SMCO2: variants seen among roughly 807,000 people sequenced by gnomAD.
SMCO2 encodes the protein single-pass membrane and coiled-coil domain-containing protein 2.
Under a neutral mutation model 29.5 loss-of-function variants are expected in SMCO2, and 25 were observed. That is an observed-to-expected ratio of 0.85 (90% confidence interval 0.62 to 1.18). The LOEUF is 1.18. SMCO2 is among the 50% of genes most tolerant of loss of function. The probability of loss-of-function intolerance (pLI) is 0.00; values close to 1 mark genes in which losing one functional copy is unlikely to be tolerated. For missense variants in SMCO2, 348 were observed against 344.5 expected, an observed-to-expected ratio of 1.01 and a Z score of -0.08; for synonymous variants, 117 against 123.3, an observed-to-expected ratio of 0.95 and a Z score of 0.34.
the SMCO2 span, among the ~76,000 whole-genome samples, chr12:27,440,713 T>A: frequency 6.6e-6 from 1 of 151,504 alleles, no homozygotes; most frequent in African/African-American, 2.4e-5. Context: ...TAAGTTGTTA[T>A]CTCTTTAAAA....
At chr12:27,456,086 A>G in the SMCO2 span, among the ~76,000 whole-genome samples, 1 of 152,194 alleles carries the variant, frequency 6.6e-6, no homozygotes, top group African/African-American at 2.4e-5. Flanking sequence ...GTGGTGGCCC[A>G]TGCCTGTAAT....
chr12:27,490,653 A>T (rs375777193), intron 5 of SMCO2, among the ~76,000 whole-genome samples: 4 of 152,296 alleles, frequency 2.6e-5, no homozygotes, highest in African/African-American at 9.6e-5. Context: ...TTGTTGGCTG[A>T]ATGTGGTGAC....
the SMCO2 span, among the ~76,000 whole-genome samples, chr12:27,451,005 TA>T: frequency 1.3e-5 from 2 of 152,242 alleles, no homozygotes; most frequent in African/African-American, 4.8e-5. Flanking sequence ...TAGATTTTGA[TA>T]AACTTTACAA....
chr12:27,468,238 C>T (rs1949513901), intron 1 of SMCO2, among the ~76,000 whole-genome samples: 1 of 152,210 alleles, frequency 6.6e-6, no homozygotes, highest in Non-Finnish European at 1.5e-5. Flanking sequence ...TCGTAGCAAA[C>T]ACCCAACATC....
rs1942969244 is a variant in SMCO2 at position 27,494,290 on chromosome 12, G to A, written c.451-10G>A. On this transcript the variant is annotated splice_polypyrimidine_tract_variant and intron_variant, in intron 5 of 7. Coordinates refer to ENST00000298876, the Ensembl canonical transcript of SMCO2. The stretch of plus-strand genomic sequence containing the variant: ...TTTCATTTTACCCAGAATTGTGGAT[G>A]TGTTTTTAGGTGAATACTTGTAATG... 6.8e-7 allele frequency: 1 copy of A among 1,461,124 alleles called. No individual in the cohort carries two copies. Among genetic ancestry groups the A allele is most frequent in the Non-Finnish European group, 9.1e-7 (1 of 1,100,706 alleles). The allele number at this position is 1,461,124 out of a possible 1,614,324, so 90.5% of individuals were successfully genotyped here.
In SMCO2 at chr12:27,470,654, TA is replaced by T; in HGVS notation, c.26del (p.Asn9IlefsTer8). On this transcript the variant is annotated frameshift_variant, in exon 2 of 8. Transcript: ENST00000298876. LOFTEE classifies it high-confidence loss of function. ...GAAATGGCTCTCACGCCCACAAACC[TA>T]AATAACAAAATGTCTCTGCAGATGA... The T allele has an allele frequency of 2.6e-6, 4 of 1,551,098 alleles. No individual in the cohort carries two copies. The highest frequency in any genetic ancestry group is 2.0e-5 in the Admixed American group (1 of 50,988).
At chr12:27,464,437 A>C (rs1351227557), upstream of SMCO2, among the ~76,000 whole-genome samples, 1 of 152,076 alleles carries the variant, frequency 6.6e-6, no homozygotes, top group Non-Finnish European at 1.5e-5. Flanking sequence ...GGCCGGGCGC[A>C]ATGACTCATC....
At chr12:27,448,565 A>C in the SMCO2 span, among the ~76,000 whole-genome samples, 1 of 152,222 alleles carries the variant, frequency 6.6e-6, no homozygotes, top group East Asian at 1.9e-4. Flanking sequence ...AACTGGGGCC[A>C]GCAGACCCTT....
the SMCO2 span, among the ~76,000 whole-genome samples, chr12:27,435,292 CCCCCCCCCCCG>C: frequency 1.9e-3 from 42 of 21,888 alleles, 15 homozygotes; most frequent in African/African-American, 4.1e-3. Context: ...ACCCCCCCCC[CCCCCCCCCCCG>C]GCAATTGTGA....
At chr12:27,491,429 T>C (rs1021945216) in intron 5 of SMCO2, among the ~76,000 whole-genome samples, 4 of 152,144 alleles carry the variant, frequency 2.6e-5, no homozygotes, top group Admixed American at 6.5e-5. Flanking sequence ...AAGTGCTGTA[T>C]GAAGATGTTT....
At chr12:27,472,628 AC>A in intron 2 of SMCO2, 147 bp from the exon 3 acceptor site, 2 of 530,620 alleles carry the variant, frequency 3.8e-6, no homozygotes, top group South Asian at 5.8e-5. Flanking sequence ...GGTGTTATTC[AC>A]CCAGAAAGAA....
intron 5 of SMCO2, among the ~76,000 whole-genome samples, chr12:27,490,718 T>C (rs389228): frequency 0.21 from 32,481 of 151,924 alleles, 6,398 homozygotes; most frequent in African/African-American, 0.51. Flanking sequence ...TCACTTGAGG[T>C]CCGGAGTTTG....
At chr12:27,430,691 A>T in the SMCO2 span, among the ~76,000 whole-genome samples, 1 of 152,316 alleles carries the variant, frequency 6.6e-6, no homozygotes, top group African/African-American at 2.4e-5. Context: ...ACCTTTATTA[A>T]ATACTTACCG....
the SMCO2 span, chr12:27,424,156 A>T: frequency 6.6e-6 from 1 of 152,212 alleles, no homozygotes; most frequent in South Asian, 2.1e-4. Context: ...GGCTCAGATT[A>T]TATTTCTATT....
the SMCO2 span, among the ~76,000 whole-genome samples, chr12:27,432,876 A>C: frequency 3.2e-3 from 488 of 152,324 alleles, 6 homozygotes; most frequent in African/African-American, 0.011. Flanking sequence ...CTCCCAGACA[A>C]ATTCTTTCAC....
chr12:27,428,928 G>A, the SMCO2 span, among the ~76,000 whole-genome samples: 2 of 148,682 alleles, frequency 1.3e-5, no homozygotes, highest in Non-Finnish European at 3.0e-5. Flanking sequence ...TGTTGACTGA[G>A]CAATCACCCA....
intron 1 of SMCO2, among the ~76,000 whole-genome samples, chr12:27,468,540 G>A (rs1379874863): frequency 2.0e-5 from 3 of 152,246 alleles, no homozygotes; most frequent in Non-Finnish European, 2.9e-5. Context: ...CGTTGGGCAT[G>A]TGTGGCTGTA....
the SMCO2 span, among the ~76,000 whole-genome samples, chr12:27,428,910 C>A: frequency 2.1e-4 from 30 of 142,920 alleles, no homozygotes; most frequent in African/African-American, 7.3e-4. Flanking sequence ...AAATTTTATT[C>A]AATACTTTGT....
chr12:27,491,863 C>A (rs369508342), intron 5 of SMCO2, among the ~76,000 whole-genome samples: 108 of 152,068 alleles, frequency 7.1e-4, no homozygotes, highest in African/African-American at 2.5e-3. Flanking sequence ...ACCACCACAG[C>A]TGGCTAATTT....
Sources: gnomAD v4.1 joint callset for allele counts (sites outside exome capture counted in the v4.1 genomes callset) on GRCh38, gnomAD v4.1.1 for gene constraint, MANE v1.5 for transcripts, NCBI Gene and HGNC (gene_info 2026-07-23, HGNC 2026-07-21) for gene names.